NELL1: variants seen among roughly 807,000 people sequenced by gnomAD.
NELL1 encodes neural EGFL like 1, also known as protein kinase C-binding protein NELL1.
NELL1 carries 76 observed loss-of-function variants against 107.4 expected under a neutral mutation model. The observed-to-expected ratio is 0.71, with a 90% CI of 0.59 to 0.86. The LOEUF is 0.86. NELL1 is among the 40% of genes least tolerant of loss of function. The probability of loss-of-function intolerance (pLI) is 0.00; values close to 1 mark genes in which losing one functional copy is unlikely to be tolerated. For missense variants in NELL1, 1,024 were observed against 1,005.5 expected, an observed-to-expected ratio of 1.02 and a Z score of -0.25; for synonymous variants, 353 against 341.2, an observed-to-expected ratio of 1.03 and a Z score of -0.38.
At chr11:21,348,260 A>T (rs1235290229) in intron 14 of NELL1, among the ~76,000 whole-genome samples, 1 of 152,194 alleles carries the variant, frequency 6.6e-6, no homozygotes, top group Non-Finnish European at 1.5e-5. Context: ...ATGAAATGTA[A>T]AAATATGGTA....
intron 13 of NELL1, among the ~76,000 whole-genome samples, chr11:21,145,822 G>C (rs140673149): frequency 6.6e-6 from 1 of 152,134 alleles, no homozygotes; most frequent in Non-Finnish European, 1.5e-5. Context: ...GTTAATTTTT[G>C]TATTCCAACA....
At chr11:20,921,353 A>C (rs1850372443) in intron 7 of NELL1, among the ~76,000 whole-genome samples, 1 of 152,112 alleles carries the variant, frequency 6.6e-6, no homozygotes, top group Non-Finnish European at 1.5e-5. Context: ...TCTTTACCAC[A>C]ATCCTTTGAG....
intron 13 of NELL1, among the ~76,000 whole-genome samples, chr11:21,189,636 G>A (rs537310454): frequency 6.7e-6 from 1 of 150,012 alleles, no homozygotes; most frequent in Admixed American, 6.6e-5. Context: ...TAAGATTAGT[G>A]GGTGCCAGTT....
intron 12 of NELL1, among the ~76,000 whole-genome samples, chr11:21,033,503 C>T (rs1027390895): frequency 6.6e-6 from 1 of 151,984 alleles, no homozygotes; most frequent in African/African-American, 2.4e-5. Flanking sequence ...TTTTCTGTTT[C>T]TTTATTAGTT....
intron 15 of NELL1, among the ~76,000 whole-genome samples, chr11:21,477,799 A>G (rs1854381742): frequency 6.6e-6 from 1 of 151,472 alleles, no homozygotes; most frequent in Non-Finnish European, 1.5e-5. Context: ...TCAAGATAAT[A>G]CAGAGAGTGA....
At chr11:21,389,917 A>G (rs1288499990) in intron 15 of NELL1, among the ~76,000 whole-genome samples, 1 of 151,772 alleles carries the variant, frequency 6.6e-6, no homozygotes, top group Non-Finnish European at 1.5e-5. Flanking sequence ...GTATTTCTAT[A>G]TACCTATATA....
At chr11:21,502,445 G>C (rs935068372) in intron 15 of NELL1, among the ~76,000 whole-genome samples, 3 of 152,118 alleles carry the variant, frequency 2.0e-5, no homozygotes, top group African/African-American at 7.2e-5. Flanking sequence ...CTGATTGTTA[G>C]GAACTTTCTC....
At chr11:20,848,704 C>T (rs1391830693) in intron 4 of NELL1, among the ~76,000 whole-genome samples, 1 of 152,148 alleles carries the variant, frequency 6.6e-6, no homozygotes, top group Non-Finnish European at 1.5e-5. Context: ...CTTCCAAAAA[C>T]CATCAAGAGG....
intron 13 of NELL1, among the ~76,000 whole-genome samples, 194 bp from the exon 14 acceptor site, chr11:21,229,138 T>C (rs1857975325): frequency 6.6e-6 from 1 of 152,170 alleles, no homozygotes; most frequent in Admixed American, 6.5e-5. Context: ...ACTGTTTCTT[T>C]ACCTGCAAAG....
intron 13 of NELL1, among the ~76,000 whole-genome samples, chr11:21,202,063 G>A (rs577270785): frequency 6.6e-5 from 10 of 152,070 alleles, no homozygotes; most frequent in African/African-American, 1.4e-4. Flanking sequence ...ATTGATGTTC[G>A]TCAGAGATAT....
chr11:21,009,929 AC>A (rs1347080423), intron 12 of NELL1, among the ~76,000 whole-genome samples: 1 of 141,238 alleles, frequency 7.1e-6, no homozygotes, highest in Non-Finnish European at 1.5e-5. Context: ...AACCATCAGC[AC>A]CCCCTCCCCC....
intron 13 of NELL1, among the ~76,000 whole-genome samples, chr11:21,200,082 T>C (rs1014298359): frequency 1.3e-5 from 2 of 152,210 alleles, no homozygotes; most frequent in Non-Finnish European, 2.9e-5. Context: ...TCTTTGTTAT[T>C]GTGAACAGTG....
At chr11:20,859,517 C>A (rs1848939937) in intron 4 of NELL1, among the ~76,000 whole-genome samples, 1 of 152,094 alleles carries the variant, frequency 6.6e-6, no homozygotes, top group African/African-American at 2.4e-5. Flanking sequence ...AGCCATTCAG[C>A]CATTTCTTCA....
At chr11:21,515,733 A>G (rs983149505) in intron 15 of NELL1, among the ~76,000 whole-genome samples, 8 of 152,228 alleles carry the variant, frequency 5.3e-5, no homozygotes, top group Non-Finnish European at 1.2e-4. Context: ...TCCAAGGCAC[A>G]GCATTTCACA....
At chr11:21,266,666 G>A (rs970969634) in intron 14 of NELL1, among the ~76,000 whole-genome samples, 5 of 151,898 alleles carry the variant, frequency 3.3e-5, no homozygotes, top group African/African-American at 4.8e-5. Flanking sequence ...GGTGGTCCCC[G>A]GTTTTGTCAT....
At chr11:21,196,322 G>A (rs545610228) in intron 13 of NELL1, among the ~76,000 whole-genome samples, 2 of 152,182 alleles carry the variant, frequency 1.3e-5, no homozygotes, top group Non-Finnish European at 2.9e-5. Context: ...TAATCCAGAT[G>A]GCTTAAAAGG....
intron 16 of NELL1, among the ~76,000 whole-genome samples, chr11:21,536,350 T>C (rs954258953): frequency 6.6e-6 from 1 of 152,178 alleles, no homozygotes; most frequent in African/African-American, 2.4e-5. Context: ...TTATAACTGT[T>C]TGGACCTGCC....
chr11:20,680,470 T>G (rs1466322572), intron 2 of NELL1, among the ~76,000 whole-genome samples: 6 of 152,114 alleles, frequency 3.9e-5, no homozygotes, highest in African/African-American at 1.4e-4. Context: ...TAATCCATTT[T>G]GGGGGAAAAA....
At chr11:20,789,774 G>T (rs1857038677) in intron 3 of NELL1, among the ~76,000 whole-genome samples, 1 of 152,184 alleles carries the variant, frequency 6.6e-6, no homozygotes, top group South Asian at 2.1e-4. Context: ...CCCAACAGGT[G>T]TTCAGCTCCT....
Sources: gnomAD v4.1 joint callset for allele counts (sites outside exome capture counted in the v4.1 genomes callset) on GRCh38, gnomAD v4.1.1 for gene constraint, MANE v1.5 for transcripts, NCBI Gene and HGNC (gene_info 2026-07-23, HGNC 2026-07-21) for gene names.